The following CASP4 variants were observed in gnomAD, a reference collection of about 807,000 sequenced individuals.
CASP4 encodes caspase-4.
Under a neutral mutation model 41.3 loss-of-function variants are expected in CASP4, and 29 were observed. The observed-to-expected ratio is 0.70, with a 90% CI of 0.52 to 0.96. The LOEUF (loss-of-function observed/expected upper bound fraction) is 0.96, where lower values mean the gene tolerates loss of function less well. Ranked by LOEUF, CASP4 falls within the 40% of genes least tolerant of loss-of-function variation. The pLI is 0.00. For missense variants in CASP4, 447 were observed against 460.6 expected, an observed-to-expected ratio of 0.97 and a Z score of 0.27; for synonymous variants, 185 against 158.4, an observed-to-expected ratio of 1.17 and a Z score of -1.26.
At chr11:104,952,169 G>A in intron 2 of CASP4, 164 bp from the exon 3 acceptor site, 1 of 558,054 alleles carries the variant, frequency 1.8e-6, no homozygotes, top group Non-Finnish European at 3.2e-6. Context: ...TATTGTTACT[G>A]GAAAAGATAG....
At chr11:104,955,380 T>C (rs931191634) in intron 1 of CASP4, among the ~76,000 whole-genome samples, 1 of 152,046 alleles carries the variant, frequency 6.6e-6, no homozygotes, top group East Asian at 1.9e-4. Flanking sequence ...AAGTCAATGC[T>C]CTTGTCTAGA....
chr11:104,950,678 G>A (rs1196393461), intron 4 of CASP4, among the ~76,000 whole-genome samples: 1 of 151,976 alleles, frequency 6.6e-6, no homozygotes, highest in Admixed American at 6.6e-5. Context: ...CATGATTTTG[G>A]AATTCAATAA....
At chr11:104,954,549 C>T (rs985102764) in intron 2 of CASP4, among the ~76,000 whole-genome samples, 198 bp downstream of exon 2, 1 of 152,100 alleles carries the variant, frequency 6.6e-6, no homozygotes, top group Non-Finnish European at 1.5e-5. Flanking sequence ...AACACAAGGA[C>T]TCAGCCTTTT....
At chr11:104,967,470 A>T (rs374167572) in intron 1 of CASP4, among the ~76,000 whole-genome samples, 42 of 152,342 alleles carry the variant, frequency 2.8e-4, no homozygotes, top group African/African-American at 8.9e-4. Context: ...ATTGTCTGAA[A>T]GTTCAGATAG....
intron 1 of CASP4, among the ~76,000 whole-genome samples, chr11:104,958,148 A>T (rs1008348287): frequency 5.9e-5 from 9 of 152,210 alleles, no homozygotes; most frequent in Non-Finnish European, 1.3e-4. Context: ...TGAGTTAAAT[A>T]TGTAAATGTA....
Sources: gnomAD v4.1 joint callset for allele counts (sites outside exome capture counted in the v4.1 genomes callset) on GRCh38, gnomAD v4.1.1 for gene constraint, MANE v1.5 for transcripts, NCBI Gene and HGNC (gene_info 2026-07-23, HGNC 2026-07-21) for gene names.